Variants in PARG observed in about 807,000 individuals in gnomAD.
PARG encodes the protein poly(ADP-ribose) glycohydrolase.
In PARG, 35 loss-of-function variants were observed where a neutral mutation model predicts 113.0. The ratio of observed to expected loss-of-function variants is 0.31; its 90% CI spans 0.24 to 0.41. The LOEUF is 0.41. Among genes scored for constraint, PARG ranks in the 10% least tolerant of loss-of-function variants. The pLI is 1.00. For synonymous variants in PARG, 330 were observed against 409.9 expected, an observed-to-expected ratio of 0.81 and a Z score of 2.36; for missense variants, 797 against 1,169.4, an observed-to-expected ratio of 0.68 and a Z score of 4.64.
intron 15 of PARG, among the ~76,000 whole-genome samples, chr10:49,834,386 T>C (rs1844815098): frequency 6.6e-6 from 1 of 152,230 alleles, no homozygotes; most frequent in South Asian, 2.1e-4. Context: ...TTAGTTTCTT[T>C]CTTACTGCTG....
intron 11 of PARG, among the ~76,000 whole-genome samples, chr10:49,864,144 T>G (rs2132551913): frequency 6.6e-6 from 1 of 151,966 alleles, no homozygotes; most frequent in East Asian, 1.9e-4. Context: ...TATCCAGTCT[T>G]CTGTCTGTTG....
rs1442702377 is a variant in PARG at position 49,853,886 on chromosome 10, T to A, written c.2353+3420A>T. On this transcript the variant is annotated intron_variant, in intron 13 of 17. Coordinates refer to ENST00000616448, the MANE Select transcript of PARG (RefSeq NM_003631.5). Reference sequence around the variant, plus strand: ...GAATAACTCATTGAAAGCTCCTTTATCCATGGGTGCTTACAAAAGATAAAA... The same window carrying A: ...GAATAACTCATTGAAAGCTCCTTTAACCATGGGTGCTTACAAAAGATAAAA... Among the ~76,000 whole-genome samples, 3 of 152,210 alleles carry A rather than the reference T, an allele frequency of 2.0e-5. No individual in the cohort carries two copies. In the South Asian group the frequency reaches 6.2e-4, roughly 32 times the overall value.
chr10:49,937,060 G>A (rs1178527656), intron 1 of PARG, among the ~76,000 whole-genome samples: 1 of 152,210 alleles, frequency 6.6e-6, no homozygotes, highest in Non-Finnish European at 1.5e-5. Context: ...AGGCTTCAGA[G>A]AAAAAATGAG....
At chr10:49,820,074 CCACT>C (rs1843995764) in intron 17 of PARG, 87 bp downstream of exon 17, 5 of 855,012 alleles carry the variant, frequency 5.8e-6, no homozygotes, top group Admixed American at 2.4e-5. Flanking sequence ...TTCTTCGTAC[CCACT>C]GTGATTCATC....
At chr10:49,856,218 C>T (rs1386038813) in intron 13 of PARG, among the ~76,000 whole-genome samples, 4 of 151,050 alleles carry the variant, frequency 2.6e-5, no homozygotes, top group South Asian at 2.1e-4. Context: ...CTTGCTCTGT[C>T]GCCCAGGCTG....
intron 7 of PARG, among the ~76,000 whole-genome samples, chr10:49,915,457 A>C (rs1344646450): frequency 6.6e-6 from 1 of 152,140 alleles, no homozygotes; most frequent in Non-Finnish European, 1.5e-5. Context: ...TTTATGACAA[A>C]AGTTTTTAAA....
chr10:49,902,925 C>G (rs1325406029), intron 7 of PARG, among the ~76,000 whole-genome samples: 1 of 151,906 alleles, frequency 6.6e-6, no homozygotes, highest in Non-Finnish European at 1.5e-5. Context: ...CTCTGCCTCC[C>G]GGGTTCAAGT....
chr10:49,861,846 T>A (rs1846268149), intron 11 of PARG, among the ~76,000 whole-genome samples, 183 bp from the exon 12 acceptor site: 1 of 150,572 alleles, frequency 6.6e-6, no homozygotes. Context: ...CATGTAAATA[T>A]ACATATTTAA....
chr10:49,837,263 A>G (rs567960377), intron 15 of PARG, among the ~76,000 whole-genome samples: 2 of 152,182 alleles, frequency 1.3e-5, no homozygotes, highest in Non-Finnish European at 2.9e-5. Context: ...GTAATGCTTA[A>G]AAGTAGCAAA....
rs1554909970 is a variant in PARG at position 49,932,147 on chromosome 10, G to A, written c.1408C>T (p.Arg470Trp). The A allele has an allele frequency of 5.4e-5, 86 of 1,606,200 alleles. No homozygotes were observed. Among genetic ancestry groups the A allele is most frequent in the African/African-American group, 3.7e-4 (28 of 74,788 alleles). Residue 470 changes from arginine (R) to tryptophan (W), a missense_variant, in exon 4 of 18, where the codon CGG (arginine) becomes TGG (tryptophan). Physicochemically the swap from Arg to Trp is moderately radical, Grantham distance 101 (BLOSUM62 -3). Around this residue, in one of 5 missense-constraint regions of PARG, gnomAD observed 252 missense variants for 437.4 expected, o/e 0.58. Transcript: ENST00000616448. ...EMRRMPRCGI[R>W]LPLLRPSANH... Reference sequence around the variant, plus strand: ...GCAGATGGTCTCAAGAGAGGCAGCCGGATCCCACACCGAGGCATTCTTCTC... The same window carrying A: ...GCAGATGGTCTCAAGAGAGGCAGCCAGATCCCACACCGAGGCATTCTTCTC...
In PARG at chr10:49,819,250, T is replaced by C. The variant is rs1398902527; in HGVS notation, c.*90A>G. 1 of 1,047,250 alleles carries C rather than the reference T, an allele frequency of 9.5e-7. No individual in the cohort carries two copies. The highest frequency in any genetic ancestry group is 1.4e-6 in the Non-Finnish European group (1 of 723,564). The allele number at this position is 1,047,250 out of a possible 1,614,324, so 64.9% of individuals were successfully genotyped here. Reference sequence around the variant, plus strand: ...AATGTGGATTATGTACACATTTATATTAACTTAAGTCAATTCATATATTAC... The same window carrying C: ...AATGTGGATTATGTACACATTTATACTAACTTAAGTCAATTCATATATTAC... On this transcript the variant is annotated 3_prime_UTR_variant, in exon 18 of 18. Transcript: ENST00000616448.
chr10:49,885,156 C>T, intron 8 of PARG, 47 bp downstream of exon 8: 1 of 1,020,104 alleles, frequency 9.8e-7, no homozygotes, highest in East Asian at 2.4e-5. Flanking sequence ...AAGGGAAATT[C>T]AATTGGCAGT....
At chr10:49,824,035 G>GACTA (rs1309939090) in intron 16 of PARG, among the ~76,000 whole-genome samples, 1 of 152,136 alleles carries the variant, frequency 6.6e-6, no homozygotes, top group African/African-American at 2.4e-5. Flanking sequence ...CTAGCTCTGT[G>GACTA]ACTAGCCAGT....
intron 9 of PARG, among the ~76,000 whole-genome samples, chr10:49,878,149 T>C (rs1554838713): frequency 1.3e-5 from 2 of 149,490 alleles, no homozygotes; most frequent in Admixed American, 6.7e-5. Context: ...TGAAAAAACA[T>C]CAGCCAAACC....
chr10:49,919,039 C>G (rs1417796490), intron 6 of PARG, among the ~76,000 whole-genome samples: 2 of 152,058 alleles, frequency 1.3e-5, no homozygotes, highest in African/African-American at 4.8e-5. Context: ...CTCCTGGGTT[C>G]AAGCAATTCT....
chr10:49,834,791 G>C (rs933015636), intron 15 of PARG, among the ~76,000 whole-genome samples: 2 of 152,118 alleles, frequency 1.3e-5, no homozygotes, highest in Non-Finnish European at 2.9e-5. Flanking sequence ...AGTGAGCCAT[G>C]ATGGTGCCAC....
chr10:49,843,744 A>G, intron 13 of PARG, 112 bp from the exon 14 acceptor site: 1 of 687,806 alleles, frequency 1.5e-6, no homozygotes, highest in Non-Finnish European at 2.6e-6. Flanking sequence ...AGGTCTCTCC[A>G]GCCAGTGCAA....
At chr10:49,865,886 T>C (rs1176203364) in intron 10 of PARG, among the ~76,000 whole-genome samples, 1 of 151,348 alleles carries the variant, frequency 6.6e-6, no homozygotes, top group South Asian at 2.1e-4. Context: ...ATGCCACAGA[T>C]TTAAAAAGGA....
intron 7 of PARG, among the ~76,000 whole-genome samples, chr10:49,905,605 T>G (rs1363259101): frequency 6.6e-6 from 1 of 152,234 alleles, no homozygotes; most frequent in Non-Finnish European, 1.5e-5. Flanking sequence ...ACTGTAAGAC[T>G]CCTCAGAGCT....
Sources: gnomAD v4.1 joint callset for allele counts (sites outside exome capture counted in the v4.1 genomes callset) on GRCh38, gnomAD v4.1.1 for gene constraint, gnomAD v4.1.1 regional missense constraint, MANE v1.5 for transcripts, NCBI Gene and HGNC (gene_info 2026-07-23, HGNC 2026-07-21) for gene names.